NPFFR1: variants seen among roughly 807,000 people sequenced by gnomAD.
The protein encoded by NPFFR1 is G-protein coupled receptor 147.
A neutral mutation model predicts 12.7 loss-of-function variants in NPFFR1; 17 were observed. That is an observed-to-expected ratio of 1.34 (90% CI 0.92 to 2.01). The LOEUF (loss-of-function observed/expected upper bound fraction) is 2.01. NPFFR1 is among the 30% of genes most tolerant of loss of function. The pLI, the probability that NPFFR1 is intolerant of heterozygous loss-of-function variation, is 0.00. For synonymous variants in NPFFR1, 296 were observed against 264.5 expected (o/e 1.12, Z -1.16); for missense variants, 604 against 606.5 (o/e 1.00, Z 0.04).
chr10:70,266,862 G>GC (rs1840698577), intron 1 of NPFFR1, among the ~76,000 whole-genome samples: 1 of 152,168 alleles, frequency 6.6e-6, no homozygotes, highest in Admixed American at 6.5e-5. Flanking sequence ...TTCAGCAGCT[G>GC]TTTTTCCCTA....
At position 70,248,501 on chromosome 10, in the gene NPFFR1, T is replaced by TTTTTTTTTTTTTTC. The variant is rs1177240387; in HGVS notation, c.*6455_*6456insGAAAAAAAAAAAAA. ...TTGTTTTTTGTTTTTTTTTTTTTTT[T>TTTTTTTTTTTTTTC]TTGAGATGGAGTCTCACTCTGTTGC... On this transcript the variant is annotated 3_prime_UTR_variant, in exon 4 of 4. Transcript: ENST00000277942. 1 of 135,714 alleles carries TTTTTTTTTTTTTTC rather than the reference T, an allele frequency of 7.4e-6. No individual in the cohort carries two copies. The highest frequency in any genetic ancestry group is 2.7e-5 in the African/African-American group (1 of 37,266). The allele number at this position is 135,714 out of a possible 1,614,324, so 8.4% of individuals were successfully genotyped here.
Position 70,247,688 on chromosome 10 carries a change from C to T in NPFFR1, c.*7269G>A, listed in dbSNP as rs544212456. 1 of 152,348 alleles carries T rather than the reference C, an allele frequency of 6.6e-6. No individual in the cohort carries two copies. Among genetic ancestry groups the T allele is most frequent in the East Asian group, 1.9e-4 (1 of 5,186 alleles). The allele number at this position is 152,348 out of a possible 1,614,324, so 9.4% of individuals were successfully genotyped here. On this transcript the variant is annotated 3_prime_UTR_variant, in exon 4 of 4. Transcript: ENST00000277942. The stretch of plus-strand genomic sequence containing the variant: ...CAGATAAACTAATTTGCCCAAATCA[C>T]TAAGCTTGGGTTTTTCCACCCACAT...
In NPFFR1 at chr10:70,283,704, T is replaced by C; in HGVS notation, c.-28A>G. 6.5e-7 allele frequency: 1 copy of C among 1,534,654 alleles called. No homozygotes were observed. On this transcript the variant is annotated 5_prime_UTR_variant, in exon 1 of 4. Coordinates refer to ENST00000277942, the MANE Select transcript of NPFFR1 (RefSeq NM_022146.5). ...TGCCCCCAGTTGCGGGCTCCGGCGG[T>C]CTCCGATGGCGGGAGGCAGCGGGCC...
In NPFFR1 at chr10:70,248,394, C is replaced by T. The variant is rs1340877214; in HGVS notation, c.*6563G>A. 6.6e-6 allele frequency: 1 copy of T among 151,510 alleles called. No homozygotes were observed. The highest frequency in any genetic ancestry group is 1.5e-5 in the Non-Finnish European group (1 of 67,962). The allele number at this position is 151,510 out of a possible 1,614,324, so 9.4% of individuals were successfully genotyped here. On this transcript the variant is annotated 3_prime_UTR_variant, in exon 4 of 4. Transcript: ENST00000277942. The stretch of plus-strand genomic sequence containing the variant: ...AAGGTAAGTGAAATAGACATAGTTC[C>T]TGTCCTCATGGAGCTTATGGTCCAC...
chr10:70,255,460 G>A lies in NPFFR1; in HGVS notation c.790C>T (p.Arg264Cys). 1 of 1,548,334 alleles carries A rather than the reference G, an allele frequency of 6.5e-7. No individual in the cohort carries two copies. Among genetic ancestry groups the A allele is most frequent in the East Asian group, 2.4e-5 (1 of 40,854 alleles). ...EEAADPRASR[R>C]RARVVHMLVM... is the part of the protein sequence containing the mutation. ...AGCATGTGCACCACGCGCGCTCTGCGCCGCGATGCTCGCGGGTCCGCAGCC... is the reference window on the plus strand; with the variant it reads ...AGCATGTGCACCACGCGCGCTCTGCACCGCGATGCTCGCGGGTCCGCAGCC... Residue 264 changes from arginine to cysteine, a missense_variant, in exon 4 of 4, where the codon CGC becomes TGC. Coordinates refer to ENST00000277942, the MANE Select transcript of NPFFR1 (RefSeq NM_022146.5). This position sits in a 1 kb window ranked among gnomAD's most constrained non-coding sequence, Gnocchi z 4.2.
chr10:70,283,722 A>C lies in NPFFR1; in HGVS notation c.-46T>G. ...CCGGCGGTCTCCGATGGCGGGAGGC[A>C]GCGGGCCCCTTCGGGCCAGCGGGCA... On this transcript the variant is annotated 5_prime_UTR_variant, in exon 1 of 4. Coordinates refer to ENST00000277942, the MANE Select transcript of NPFFR1 (RefSeq NM_022146.5). 6.5e-7 allele frequency: 1 copy of C among 1,533,584 alleles called. No homozygotes were observed. The highest frequency in any genetic ancestry group is 8.7e-7 in the Non-Finnish European group (1 of 1,145,702). The allele number at this position is 1,533,584 out of a possible 1,614,324, so 95.0% of individuals were successfully genotyped here. A position where few individuals can be genotyped will look rare whatever the true frequency, so the allele number is the denominator to read the frequency against.
At chr10:70,257,911 A>G (rs1400677947) in intron 3 of NPFFR1, among the ~76,000 whole-genome samples, 1 of 152,204 alleles carries the variant, frequency 6.6e-6, no homozygotes, top group African/African-American at 2.4e-5. Context: ...GTCCAGTCAC[A>G]GTACCTTCCC....
intron 1 of NPFFR1, 139 bp from the exon 2 acceptor site, chr10:70,266,530 C>T (rs1267496249): frequency 7.6e-6 from 5 of 659,344 alleles, no homozygotes; most frequent in East Asian, 2.7e-5. Flanking sequence ...CCAGTTGCAA[C>T]TTGATGCACT....
intron 3 of NPFFR1, among the ~76,000 whole-genome samples, chr10:70,256,994 C>CCATG (rs754448137): frequency 1.3e-4 from 20 of 152,168 alleles, no homozygotes; most frequent in Non-Finnish European, 2.4e-4. Context: ...GGGTCAGGTG[C>CCATG]CATGGTTCAT....
chr10:70,282,266 T>A (rs1357267230), intron 1 of NPFFR1, among the ~76,000 whole-genome samples: 2 of 152,198 alleles, frequency 1.3e-5, no homozygotes, highest in Non-Finnish European at 2.9e-5. Context: ...ATTGCCTGTA[T>A]CTTGCTCTGC....
At chr10:70,265,315 G>GA (rs936834915) in intron 2 of NPFFR1, among the ~76,000 whole-genome samples, 1 of 152,172 alleles carries the variant, frequency 6.6e-6, no homozygotes, top group Admixed American at 6.5e-5. Flanking sequence ...CCATATCTCT[G>GA]AAAACCAGTC....
intron 2 of NPFFR1, among the ~76,000 whole-genome samples, chr10:70,265,122 C>A (rs1840676317): frequency 6.6e-6 from 1 of 152,158 alleles, no homozygotes; most frequent in South Asian, 2.1e-4. Flanking sequence ...TGGAGGGGAG[C>A]TGACTCTGCA....
intron 2 of NPFFR1, among the ~76,000 whole-genome samples, chr10:70,262,779 G>A (rs7913213): frequency 0.069 from 10,454 of 152,204 alleles, 354 homozygotes; most frequent in East Asian, 0.11. Context: ...ATTTCTGTTA[G>A]TATACGTATA....
chr10:70,278,707 A>T (rs1461442439), intron 1 of NPFFR1, among the ~76,000 whole-genome samples: 1 of 152,256 alleles, frequency 6.6e-6, no homozygotes, highest in African/African-American at 2.4e-5. Context: ...CAGTGTCCTG[A>T]TGAACTTTCG....
At chr10:70,261,066 T>C (rs533552786) in intron 2 of NPFFR1, among the ~76,000 whole-genome samples, 2 of 152,186 alleles carry the variant, frequency 1.3e-5, no homozygotes, top group Admixed American at 1.3e-4. Flanking sequence ...TGTATGTACA[T>C]GGTGATATGG....
intron 3 of NPFFR1, 75 bp downstream of exon 3, chr10:70,260,565 G>A: frequency 7.7e-7 from 1 of 1,292,772 alleles, no homozygotes; most frequent in Non-Finnish European, 1.1e-6. Flanking sequence ...AGCCAACCCA[G>A]CATTAGAGGC....
At chr10:70,259,961 G>A (rs532630213) in intron 3 of NPFFR1, among the ~76,000 whole-genome samples, 1 of 152,182 alleles carries the variant, frequency 6.6e-6, no homozygotes, top group Non-Finnish European at 1.5e-5. Flanking sequence ...TTTCCCTGGG[G>A]TGAAGCACCC....
At chr10:70,274,552 G>T (rs1169857984) in intron 1 of NPFFR1, among the ~76,000 whole-genome samples, 2 of 152,206 alleles carry the variant, frequency 1.3e-5, no homozygotes, top group Non-Finnish European at 2.9e-5. Context: ...AATTTTTAAA[G>T]GGAGGTATAG....
chr10:70,263,419 C>A (rs893671884), intron 2 of NPFFR1, among the ~76,000 whole-genome samples: 2 of 152,056 alleles, frequency 1.3e-5, no homozygotes, highest in African/African-American at 4.8e-5. Flanking sequence ...ACTACAGGCA[C>A]CCACGACCAC....
Sources: allele counts gnomAD v4.1 joint callset (sites outside exome capture counted in the v4.1 genomes callset), GRCh38; gene constraint gnomAD v4.1.1; non-coding constraint Gnocchi (gnomAD v3.1); transcripts MANE v1.5; gene names NCBI Gene and HGNC (gene_info 2026-07-23, HGNC 2026-07-21).